CPLANE1: variants seen among roughly 807,000 people sequenced by gnomAD.
CPLANE1 encodes ciliogenesis and planar polarity effector 1.
In CPLANE1, 263 loss-of-function variants were observed where a neutral mutation model predicts 362.5. That is an observed-to-expected ratio of 0.73 (90% CI 0.66 to 0.80). CPLANE1 has a LOEUF of 0.80. CPLANE1 is among the 30% of genes least tolerant of loss of function. The pLI, the probability that CPLANE1 is intolerant of heterozygous loss-of-function variation, is 0.00. For synonymous variants in CPLANE1, 1,212 were observed against 1,302.6 expected (o/e 0.93, Z 1.50); for missense variants, 3,461 against 3,793.4 (o/e 0.91, Z 2.30).
chr5:37,217,203 C>T (rs1463303781), intron 15 of CPLANE1, among the ~76,000 whole-genome samples: 1 of 152,142 alleles, frequency 6.6e-6, no homozygotes, highest in Non-Finnish European at 1.5e-5. Flanking sequence ...ATCATTCAAA[C>T]CTTATGCAAA....
chr5:37,116,485 CAAAAAAAAAAAAAAAAAA>C (rs70976277), intron 50 of CPLANE1, among the ~76,000 whole-genome samples: 5 of 25,944 alleles, frequency 1.9e-4, no homozygotes, highest in African/African-American at 5.2e-4. Flanking sequence ...GACTCTGCCT[CAAAAAAAAAAAAAAAAAA>C]AAAAAAAAAA....
chr5:37,224,345 T>C lies in CPLANE1; in HGVS notation c.2501-12A>G. ...AAAACATTCTTCCCCTAGAAAGTTT[T>C]TAACCAACAATTAGTCATAGTTAAT... On this transcript the variant is annotated splice_polypyrimidine_tract_variant and intron_variant, in intron 13 of 52. Transcript: ENST00000651892. 2.0e-6 allele frequency: 3 copies of C among 1,522,202 alleles called. No individual in the cohort carries two copies. The highest frequency in any genetic ancestry group is 2.7e-6 in the Non-Finnish European group (3 of 1,125,184). 94.3% of individuals were successfully genotyped at this position (1,522,202 alleles called of 1,614,324 possible).
chr5:37,241,323 C>T (rs1032574490), intron 6 of CPLANE1, among the ~76,000 whole-genome samples: 6 of 151,340 alleles, frequency 4.0e-5, no homozygotes, highest in African/African-American at 7.3e-5. Flanking sequence ...GGTTTGTTGG[C>T]GCATGCCCAT....
the CPLANE1 span, among the ~76,000 whole-genome samples, chr5:37,080,839 G>C: frequency 6.6e-6 from 1 of 152,134 alleles, no homozygotes; most frequent in Non-Finnish European, 1.5e-5. Context: ...CCCATACGAT[G>C]CACAGGGGGA....
rs185396971 is a variant in CPLANE1, at chr5:37,208,635, C to T, written c.2921-2210G>A. ...GAGCTTGCAGTGAGCCGAGACTGCG[C>T]CACTGCACTCCAGCCTGGGCGATAG... On this transcript the variant is annotated intron_variant, in intron 16 of 52. Transcript: ENST00000651892. Among the ~76,000 whole-genome samples, 222 of 151,726 alleles carry T rather than the reference C, an allele frequency of 1.5e-3. 2 individuals carry two copies. The highest frequency in any genetic ancestry group is 5.1e-3 in the African/African-American group (210 of 41,380).
chr5:37,199,112 A>AT (rs1355553973), intron 19 of CPLANE1, among the ~76,000 whole-genome samples: 5 of 151,440 alleles, frequency 3.3e-5, no homozygotes, highest in Non-Finnish European at 7.4e-5. Flanking sequence ...AAAAAAAAAA[A>AT]AAAAAAAAAG....
chr5:37,165,896 T>C (rs981213391), intron 35 of CPLANE1, among the ~76,000 whole-genome samples: 1 of 152,232 alleles, frequency 6.6e-6, no homozygotes, highest in Non-Finnish European at 1.5e-5. Context: ...GACTATTCTA[T>C]ATTAGTCACT....
At chr5:37,164,396 C>T (rs1328873204) in intron 36 of CPLANE1, 69 bp from the exon 37 acceptor site, 2 of 1,167,350 alleles carry the variant, frequency 1.7e-6, no homozygotes, top group African/African-American at 3.1e-5. Flanking sequence ...AAAAAAAAAT[C>T]AATAGCTATG....
rs537063282 is a variant in CPLANE1, at chr5:37,164,332, A to G, written c.7534-5T>C. 596 of 1,611,328 alleles carry G rather than the reference A, an allele frequency of 3.7e-4. 8 individuals are homozygous for G. The South Asian group carries it at 6.2e-3, about 17-fold the overall frequency. ...ACCACAATGTTCTTGTTGTTCCTAA[A>G]TGAATTCCCACAGGATTACTCTATG... On this transcript the variant is annotated splice_polypyrimidine_tract_variant and splice_region_variant and intron_variant, in intron 36 of 52. Transcript: ENST00000651892.
chr5:37,224,673 C>T lies in CPLANE1; in HGVS notation c.2359G>A (p.Val787Ile), dbSNP rs1296784985. Residue 787 changes from valine to isoleucine, a missense_variant, in exon 13 of 53, where the codon GTT becomes ATT. Physicochemically the swap from Val to Ile is conservative, Grantham distance 29. Coordinates refer to ENST00000651892, the MANE Select transcript of CPLANE1 (RefSeq NM_001384732.1). Reference sequence around the variant, plus strand: ...GTTAACTGACTATCAGCTTCAGGAACTCTTCGATTTAATTGTGCTTGATAC... The same window carrying T: ...GTTAACTGACTATCAGCTTCAGGAATTCTTCGATTTAATTGTGCTTGATAC... Reference protein sequence around the residue: ...LWYQAQLNRRVPEADSQLTEK... With the variant: ...LWYQAQLNRRIPEADSQLTEK... The T allele has an allele frequency of 6.4e-6, 10 of 1,551,468 alleles. No individual in the cohort carries two copies. The Admixed American group carries it at 2.0e-4, about 30-fold the overall frequency.
intron 15 of CPLANE1, among the ~76,000 whole-genome samples, chr5:37,215,964 T>TG (rs1793974703): frequency 6.6e-6 from 1 of 152,002 alleles, no homozygotes; most frequent in African/African-American, 2.4e-5. Flanking sequence ...CCTGAGTAGC[T>TG]GGGACTATAG....
chr5:37,246,076 C>A, intron 2 of CPLANE1: 5 of 260,430 alleles, frequency 1.9e-5, no homozygotes, highest in Non-Finnish European at 3.5e-5. Context: ...AGTTGTATTT[C>A]AATTTCTTTG....
Sources: gnomAD v4.1 joint callset for allele counts (sites outside exome capture counted in the v4.1 genomes callset) on GRCh38, gnomAD v4.1.1 for gene constraint, MANE v1.5 for transcripts, NCBI Gene and HGNC (gene_info 2026-07-23, HGNC 2026-07-21) for gene names.